Variants in DLC1 observed in about 807,000 individuals in gnomAD.
DLC1 encodes the protein rho GTPase-activating protein 7.
In DLC1, 54 loss-of-function variants were observed where a neutral mutation model predicts 140.3. That is an observed-to-expected ratio of 0.38 (90% CI 0.31 to 0.48). The LOEUF (loss-of-function observed/expected upper bound fraction) is 0.48, where lower values mean the gene tolerates loss of function less well. DLC1 is among the 20% of genes least tolerant of loss of function. DLC1 has a pLI of 0.96. For synonymous variants in DLC1, 986 were observed against 728.1 expected (o/e 1.35, Z -5.70); for missense variants, 2,536 against 1,907.0 (o/e 1.33, Z -6.14).
chr8:13,596,073 G>T (rs1303667882), intron 1 of DLC1, among the ~76,000 whole-genome samples: 1 of 151,988 alleles, frequency 6.6e-6, no homozygotes, highest in African/African-American at 2.4e-5. Flanking sequence ...TTTAAACTAA[G>T]TTTCAGTTGG....
chr8:13,545,670 AAGTATTGAATTTGGAATCTG>A (rs1803627988), intron 1 of DLC1, among the ~76,000 whole-genome samples: 1 of 152,144 alleles, frequency 6.6e-6, no homozygotes, highest in African/African-American at 2.4e-5. Flanking sequence ...AATAATGACA[AAGTATTGAATTTGGAATCTG>A]AATATTAGAA....
intron 1 of DLC1, among the ~76,000 whole-genome samples, chr8:13,543,748 A>G (rs1384205571): frequency 2.0e-5 from 3 of 152,204 alleles, no homozygotes; most frequent in Non-Finnish European, 4.4e-5. Context: ...GGAATGGAAA[A>G]TCAAATACTG....
intron 7 of DLC1, among the ~76,000 whole-genome samples, chr8:13,103,925 A>C (rs1819331866): frequency 6.6e-6 from 1 of 152,114 alleles, no homozygotes; most frequent in Non-Finnish European, 1.5e-5. Context: ...AAACAGCAAC[A>C]AAGAACCAAG....
chr8:13,164,022 C>T (rs778885324), intron 5 of DLC1, among the ~76,000 whole-genome samples: 17 of 151,874 alleles, frequency 1.1e-4, no homozygotes, highest in African/African-American at 3.4e-4. Context: ...CTCAGCCGGG[C>T]GTGGTGGCTC....
At chr8:13,343,566 A>T (rs1333676554) in intron 4 of DLC1, among the ~76,000 whole-genome samples, 4 of 152,224 alleles carry the variant, frequency 2.6e-5, no homozygotes, top group Non-Finnish European at 5.9e-5. Context: ...ATTTTTAAAC[A>T]TGTTTGTACA....
At chr8:13,396,170 C>T (rs1837035492) in intron 3 of DLC1, among the ~76,000 whole-genome samples, 1 of 151,528 alleles carries the variant, frequency 6.6e-6, no homozygotes, top group Admixed American at 6.6e-5. Flanking sequence ...CACCATTCTC[C>T]TGCCTCGGCC....
chr8:13,127,632 A>G (rs1821696826), intron 5 of DLC1, among the ~76,000 whole-genome samples: 1 of 152,222 alleles, frequency 6.6e-6, no homozygotes, highest in Non-Finnish European at 1.5e-5. Flanking sequence ...GTGGGGCAGC[A>G]CCGTGCATGG....
intron 5 of DLC1, among the ~76,000 whole-genome samples, chr8:13,137,807 A>T (rs893566659): frequency 6.6e-6 from 1 of 151,894 alleles, no homozygotes; most frequent in Non-Finnish European, 1.5e-5. Context: ...CACATTGGCC[A>T]GACTGGTCTC....
intron 1 of DLC1, among the ~76,000 whole-genome samples, chr8:13,501,185 GT>G (rs1801797214): frequency 6.6e-6 from 1 of 152,132 alleles, no homozygotes; most frequent in African/African-American, 2.4e-5. Flanking sequence ...CTTATAAGAA[GT>G]TTAGTTTGCA....
rs78775803 is a variant in DLC1 at position 13,468,811 on chromosome 8, C to CTTTTTTTTTTTTTTTTTTTTTTTTT, written c.1023+30213_1023+30237dup. Among the ~76,000 whole-genome samples the CTTTTTTTTTTTTTTTTTTTTTTTTT allele has an allele frequency of 4.4e-5, 4 of 89,958 alleles. 1 individual carries two copies. The highest frequency in any genetic ancestry group is 4.4e-4 in the South Asian group (1 of 2,282). 59.0% of individuals were successfully genotyped at this position (89,958 alleles called of 152,430 possible). On this transcript the variant is annotated intron_variant, in intron 2 of 17. Transcript: ENST00000276297. ...GTTGATTCTCCCAATTTTATGTCTG[C>CTTTTTTTTTTTTTTTTTTTTTTTTT]TTTTTTTTTTTTTTTTTTTTTTTTT...
At chr8:13,348,222 C>A (rs10093527) in intron 4 of DLC1, among the ~76,000 whole-genome samples, 4,452 of 152,214 alleles carry the variant, frequency 0.029, 227 homozygotes, top group African/African-American at 0.1. Flanking sequence ...AGGTGGGATA[C>A]AGCCTGGCTT....
chr8:13,278,022 A>G (rs1831235877), intron 5 of DLC1, among the ~76,000 whole-genome samples: 1 of 152,246 alleles, frequency 6.6e-6, no homozygotes, highest in African/African-American at 2.4e-5. Flanking sequence ...TATAACTAAC[A>G]TTAGTACCAA....
intron 2 of DLC1, among the ~76,000 whole-genome samples, chr8:13,421,712 G>A (rs183542301): frequency 3.9e-5 from 6 of 152,192 alleles, no homozygotes; most frequent in Admixed American, 1.3e-4. Flanking sequence ...AAAATATTGA[G>A]GTTACTCATC....
intron 4 of DLC1, among the ~76,000 whole-genome samples, chr8:13,331,478 G>C (rs188755283): frequency 6.8e-4 from 103 of 152,196 alleles, no homozygotes; most frequent in African/African-American, 2.3e-3. Context: ...GTTATTATGA[G>C]GATAAATAGT....
intron 5 of DLC1, among the ~76,000 whole-genome samples, chr8:13,259,106 C>T (rs1188297): frequency 0.4 from 57,517 of 143,464 alleles, 11,812 homozygotes; most frequent in East Asian, 0.79. Context: ...CATTGCACTC[C>T]AGCCTGGGCA....
chr8:13,435,557 G>A (rs983253122), intron 2 of DLC1, among the ~76,000 whole-genome samples: 15 of 151,966 alleles, frequency 9.9e-5, no homozygotes, highest in African/African-American at 2.2e-4. Flanking sequence ...CAGGTGATCC[G>A]CCCGCCTCGG....
At chr8:13,349,599 T>C (rs1359259213) in intron 4 of DLC1, among the ~76,000 whole-genome samples, 5 of 152,214 alleles carry the variant, frequency 3.3e-5, no homozygotes, top group African/African-American at 9.6e-5. Flanking sequence ...ACACAAGCAT[T>C]AGTCAATTTT....
At chr8:13,480,015 A>G (rs995754660) in intron 2 of DLC1, among the ~76,000 whole-genome samples, 1 of 152,152 alleles carries the variant, frequency 6.6e-6, no homozygotes, top group Non-Finnish European at 1.5e-5. Flanking sequence ...GCAGTGAGCT[A>G]TGTTCTTGCC....
intron 6 of DLC1, 45 bp downstream of exon 6, chr8:13,115,541 G>A (rs1490270755): frequency 1.9e-6 from 3 of 1,541,756 alleles, no homozygotes; most frequent in Admixed American, 1.7e-5. Flanking sequence ...GCGAACAAGG[G>A]ATTATGATTA....
Sources: gnomAD v4.1 joint callset for allele counts (sites outside exome capture counted in the v4.1 genomes callset) on GRCh38, gnomAD v4.1.1 for gene constraint, MANE v1.5 for transcripts, NCBI Gene and HGNC (gene_info 2026-07-23, HGNC 2026-07-21) for gene names.